Variants in GTF2A1 observed in about 807,000 individuals in gnomAD.
GTF2A1 encodes the protein transcription initiation factor IIA subunit 1.
In GTF2A1, 12 loss-of-function variants were observed where a neutral mutation model predicts 54.1. The ratio of observed to expected loss-of-function variants is 0.22; its 90% CI spans 0.14 to 0.36. The LOEUF (loss-of-function observed/expected upper bound fraction) is 0.36. Among genes scored for constraint, GTF2A1 ranks in the 10% least tolerant of loss-of-function variants. The probability of loss-of-function intolerance (pLI) is 1.00; values close to 1 mark genes in which losing one functional copy is unlikely to be tolerated. For synonymous variants in GTF2A1, 145 were observed against 152.0 expected, an observed-to-expected ratio of 0.95 and a Z score of 0.34; for missense variants, 335 against 442.2, an observed-to-expected ratio of 0.76 and a Z score of 2.17.
intron 2 of GTF2A1, among the ~76,000 whole-genome samples, chr14:81,211,858 A>G (rs1893370059): frequency 8.4e-6 from 1 of 119,578 alleles, no homozygotes; most frequent in African/African-American, 3.4e-5. Flanking sequence ...ACACATAATT[A>G]GAGTGTATCA....
At chr14:81,217,373 C>A (rs1343383621) in intron 1 of GTF2A1, among the ~76,000 whole-genome samples, 1 of 152,166 alleles carries the variant, frequency 6.6e-6, no homozygotes, top group Non-Finnish European at 1.5e-5. Flanking sequence ...TCCCCCACAT[C>A]CTATTTTTAA....
intron 7 of GTF2A1, among the ~76,000 whole-genome samples, chr14:81,190,184 T>C (rs1410466497): frequency 2.6e-5 from 4 of 151,848 alleles, no homozygotes; most frequent in African/African-American, 9.7e-5. Context: ...AACAAAATAC[T>C]TGAAGGGCAT....
At chr14:81,197,822 T>C (rs1893023010) in intron 4 of GTF2A1, among the ~76,000 whole-genome samples, 1 of 152,156 alleles carries the variant, frequency 6.6e-6, no homozygotes, top group Admixed American at 6.5e-5. Context: ...CAATCTAACC[T>C]ACACATTTTT....
At chr14:81,196,045 C>G in intron 6 of GTF2A1, 63 bp downstream of exon 6, 1 of 1,460,082 alleles carries the variant, frequency 6.8e-7, no homozygotes, top group East Asian at 2.3e-5. Context: ...AGGGAAACTA[C>G]CCAGGGAATA....
intron 6 of GTF2A1, among the ~76,000 whole-genome samples, chr14:81,193,488 A>G (rs1892922341): frequency 6.6e-6 from 1 of 152,176 alleles, no homozygotes; most frequent in Non-Finnish European, 1.5e-5. Flanking sequence ...CTAAAGTCAG[A>G]CATAAATACA....
chr14:81,213,765 A>C (rs1222241001), intron 2 of GTF2A1, among the ~76,000 whole-genome samples: 1 of 151,994 alleles, frequency 6.6e-6, no homozygotes, highest in Non-Finnish European at 1.5e-5. Flanking sequence ...AATTTTTCTC[A>C]AGGTAAATAA....
At chr14:81,188,518 T>C (rs913877620) in intron 7 of GTF2A1, among the ~76,000 whole-genome samples, 4 of 152,232 alleles carry the variant, frequency 2.6e-5, no homozygotes, top group African/African-American at 7.2e-5. Flanking sequence ...ACGCCTGTAA[T>C]CCCAGTACTT....
At chr14:81,199,222 G>C (rs2115431) in intron 4 of GTF2A1, among the ~76,000 whole-genome samples, 1 of 152,058 alleles carries the variant, frequency 6.6e-6, no homozygotes. Flanking sequence ...TTTCCATATA[G>C]AATACACGAC....
chr14:81,180,664 C>T (rs1039970656), intron 8 of GTF2A1, among the ~76,000 whole-genome samples: 3 of 152,134 alleles, frequency 2.0e-5, no homozygotes, highest in Non-Finnish European at 2.9e-5. Context: ...AAAAACCACA[C>T]ACAAAACTCA....
At chr14:81,200,290 A>G (rs886575681) in intron 4 of GTF2A1, among the ~76,000 whole-genome samples, 11 of 152,198 alleles carry the variant, frequency 7.2e-5, no homozygotes, top group African/African-American at 2.7e-4. Context: ...ATCACTCACA[A>G]AGTAGAACTC....
At chr14:81,187,648 A>G (rs1427766357) in intron 7 of GTF2A1, among the ~76,000 whole-genome samples, 1 of 152,210 alleles carries the variant, frequency 6.6e-6, no homozygotes, top group Non-Finnish European at 1.5e-5. Flanking sequence ...TTCACATAGC[A>G]TGTTTTCAAG....
In GTF2A1 at chr14:81,192,712, T is replaced by G. The variant is rs1288832212; in HGVS notation, c.740A>C (p.Gln247Pro). Residue 247 changes from glutamine to proline, a missense_variant, in exon 7 of 9, where the codon CAA becomes CCA. Gln to Pro is a moderately conservative substitution (Grantham distance 76). Coordinates refer to ENST00000553612, the MANE Select transcript of GTF2A1 (RefSeq NM_015859.4). The stretch of plus-strand genomic sequence containing the variant: ...CTGGCCAGTTGCAGTTATCTGTGCT[T>G]GGGCTGGTGTAGGTGCTGCCACTGT... ...PTTVAAPTPAQAQITATGQQQ... is the reference protein window; with the variant it reads ...PTTVAAPTPAPAQITATGQQQ... 5.0e-6 allele frequency: 8 copies of G among 1,614,188 alleles called. 1 individual carries two copies. In the South Asian group the frequency reaches 8.8e-5, roughly 18 times the overall value.
intron 2 of GTF2A1, among the ~76,000 whole-genome samples, chr14:81,209,526 G>A (rs1197909691): frequency 6.6e-6 from 1 of 152,140 alleles, no homozygotes; most frequent in East Asian, 1.9e-4. Flanking sequence ...AAGATTCCTA[G>A]GTCTCATTTT....
chr14:81,182,582 T>C (rs531013954), intron 8 of GTF2A1, among the ~76,000 whole-genome samples: 21 of 152,332 alleles, frequency 1.4e-4, no homozygotes, highest in South Asian at 4.2e-4. Flanking sequence ...GAGTCATCAT[T>C]ATCTCCCATG....
chr14:81,197,089 A>ATACTCACTT (rs1893008008), intron 5 of GTF2A1: 1 of 183,732 alleles, frequency 5.4e-6, no homozygotes, highest in Non-Finnish European at 1.1e-5. Flanking sequence ...ACAAGTTCAA[A>ATACTCACTT]GAAGTTTAAT....
chr14:81,183,047 T>C (rs1302520832), intron 8 of GTF2A1, among the ~76,000 whole-genome samples: 1 of 152,212 alleles, frequency 6.6e-6, no homozygotes, highest in Non-Finnish European at 1.5e-5. Context: ...TTCTAACATA[T>C]AAATATTTTA....
At chr14:81,191,421 C>T (rs142223063) in intron 7 of GTF2A1, among the ~76,000 whole-genome samples, 7 of 152,184 alleles carry the variant, frequency 4.6e-5, no homozygotes, top group African/African-American at 1.7e-4. Context: ...ATCCTTATGT[C>T]CACTGGATTA....
At chr14:81,196,879 C>T (rs180946613) in intron 5 of GTF2A1, among the ~76,000 whole-genome samples, 3 of 152,028 alleles carry the variant, frequency 2.0e-5, no homozygotes, top group Non-Finnish European at 4.4e-5. Flanking sequence ...AAATAACATA[C>T]ACAGAATAGA....
intron 6 of GTF2A1, 112 bp downstream of exon 6, chr14:81,195,996 C>G: frequency 1.1e-6 from 1 of 888,148 alleles, no homozygotes; most frequent in South Asian, 1.5e-5. Flanking sequence ...ACAACTGGGT[C>G]TGTAGCACTG....
Sources: allele counts gnomAD v4.1 joint callset (sites outside exome capture counted in the v4.1 genomes callset), GRCh38; gene constraint gnomAD v4.1.1; transcripts MANE v1.5; gene names NCBI Gene and HGNC (gene_info 2026-07-23, HGNC 2026-07-21).